ELMO1: variants seen among roughly 807,000 people sequenced by gnomAD.
ELMO1 encodes the protein engulfment and cell motility 1.
In ELMO1, 26 loss-of-function variants were observed where a neutral mutation model predicts 98.9. The observed-to-expected ratio is 0.26, with a 90% CI of 0.19 to 0.36. ELMO1 has a LOEUF of 0.36. Among genes scored for constraint, ELMO1 ranks in the 10% least tolerant of loss-of-function variants. The probability of loss-of-function intolerance (pLI) is 1.00; values close to 1 mark genes in which losing one functional copy is unlikely to be tolerated. For missense variants in ELMO1, 627 were observed against 935.2 expected, an observed-to-expected ratio of 0.67 and a Z score of 4.30; for synonymous variants, 346 against 346.0, an observed-to-expected ratio of 1.00 and a Z score of 0.00.
intron 14 of ELMO1, among the ~76,000 whole-genome samples, chr7:37,101,005 TC>T (rs1381887908): frequency 6.6e-6 from 1 of 152,232 alleles, no homozygotes; most frequent in Non-Finnish European, 1.5e-5. Flanking sequence ...TTCAGAGAGT[TC>T]GTGTTTTTAT....
chr7:37,201,906 G>A (rs542541061), intron 13 of ELMO1, among the ~76,000 whole-genome samples: 1 of 152,202 alleles, frequency 6.6e-6, no homozygotes, highest in Non-Finnish European at 1.5e-5. Context: ...AAGTGTCAAG[G>A]AGGCTGACAG....
intron 1 of ELMO1, among the ~76,000 whole-genome samples, chr7:37,397,561 C>G (rs907956634): frequency 3.9e-5 from 6 of 152,234 alleles, no homozygotes; most frequent in African/African-American, 1.4e-4. Flanking sequence ...CACCTCTGTG[C>G]ACCTCAGTTT....
intron 16 of ELMO1, among the ~76,000 whole-genome samples, chr7:36,931,024 A>T (rs1295026948): frequency 1.3e-5 from 2 of 152,180 alleles, no homozygotes; most frequent in Admixed American, 1.3e-4. Context: ...ATTTTTGTCA[A>T]TTTGATAGTT....
intron 13 of ELMO1, among the ~76,000 whole-genome samples, chr7:37,191,188 C>CA (rs70975003): frequency 0.59 from 55,654 of 93,744 alleles, 15,641 homozygotes; most frequent in Non-Finnish European, 0.67. Flanking sequence ...GACTCTGTCT[C>CA]AAAAAAAAAA....
intron 1 of ELMO1, among the ~76,000 whole-genome samples, chr7:37,447,644 C>CA (rs1206426312): frequency 3.3e-5 from 5 of 151,172 alleles, no homozygotes; most frequent in East Asian, 1.9e-4. Flanking sequence ...CAACACCCCC[C>CA]CCACACACAC....
chr7:37,068,826 A>G (rs1271531271), intron 15 of ELMO1, among the ~76,000 whole-genome samples: 2 of 152,208 alleles, frequency 1.3e-5, no homozygotes, highest in African/African-American at 2.4e-5. Context: ...CAAACATTAC[A>G]TAGTAATGAG....
chr7:37,343,801 G>A (rs538321502), intron 1 of ELMO1, among the ~76,000 whole-genome samples: 1 of 152,078 alleles, frequency 6.6e-6, no homozygotes, highest in South Asian at 2.1e-4. Flanking sequence ...TTAATTTTTT[G>A]TTAACAATCA....
intron 13 of ELMO1, among the ~76,000 whole-genome samples, chr7:37,140,268 C>T (rs1405342042): frequency 2.0e-5 from 3 of 151,578 alleles, no homozygotes; most frequent in Admixed American, 6.6e-5. Context: ...CGCCTATAGT[C>T]CCAACTACTC....
At chr7:37,082,099 G>A (rs544337281) in intron 15 of ELMO1, among the ~76,000 whole-genome samples, 66 of 152,192 alleles carry the variant, frequency 4.3e-4, no homozygotes, top group Non-Finnish European at 7.9e-4. Context: ...TTTGCATTTA[G>A]GTTCATTTCT....
intron 1 of ELMO1, among the ~76,000 whole-genome samples, chr7:37,373,809 C>T (rs1437456449): frequency 1.3e-5 from 2 of 152,212 alleles, no homozygotes; most frequent in African/African-American, 2.4e-5. Flanking sequence ...ATTCTCAGTT[C>T]TCTCCTTTGC....
chr7:36,999,105 C>T (rs1296924921), intron 16 of ELMO1, among the ~76,000 whole-genome samples: 1 of 151,996 alleles, frequency 6.6e-6, no homozygotes, highest in African/African-American at 2.4e-5. Context: ...CCCGGGGCCA[C>T]AGCATTGTCT....
In ELMO1 at chr7:37,268,173, C is replaced by T. The variant is rs748724500; in HGVS notation, c.243+3659G>A. ...CAACAGAGGACCTCAGACTCTATGC[C>T]CACAGCTATTATGATCATGGCAGGT... On this transcript the variant is annotated intron_variant, in intron 5 of 21. Transcript: ENST00000310758. Among the ~76,000 whole-genome samples, 246 of 152,222 alleles carry T rather than the reference C, an allele frequency of 1.6e-3. 2 individuals carry two copies. The highest frequency in any genetic ancestry group is 2.3e-3 in the Admixed American group (35 of 15,280).
intron 16 of ELMO1, among the ~76,000 whole-genome samples, chr7:36,926,783 C>T (rs1031666532): frequency 6.6e-6 from 1 of 152,176 alleles, no homozygotes; most frequent in East Asian, 1.9e-4. Context: ...AGGCCTCTTT[C>T]AATTCCTATA....
At chr7:37,054,386 C>T (rs577293172) in intron 15 of ELMO1, among the ~76,000 whole-genome samples, 1 of 152,216 alleles carries the variant, frequency 6.6e-6, no homozygotes, top group East Asian at 1.9e-4. Context: ...CAAGAAGATG[C>T]ATAAGACATG....
Position 37,309,203 on chromosome 7 carries a change from A to T in ELMO1, c.192+5647T>A, listed in dbSNP as rs187930484. Among the ~76,000 whole-genome samples the T allele has an allele frequency of 7.2e-5, 11 of 152,342 alleles. No individual in the cohort carries two copies. The East Asian group carries it at 1.9e-3, about 27-fold the overall frequency. On this transcript the variant is annotated intron_variant, in intron 4 of 21. Coordinates refer to ENST00000310758, the MANE Select transcript of ELMO1 (RefSeq NM_014800.11). ...AATCATGGTGGAAGGCGAAAGGCACATCTTACATGGCAGCAGACAAGAGAG... is the reference window on the plus strand; with the variant it reads ...AATCATGGTGGAAGGCGAAAGGCACTTCTTACATGGCAGCAGACAAGAGAG...
intron 15 of ELMO1, among the ~76,000 whole-genome samples, chr7:37,063,257 T>C (rs1157592193): frequency 6.6e-6 from 1 of 152,212 alleles, no homozygotes; most frequent in African/African-American, 2.4e-5. Context: ...CAAGTATGAC[T>C]GTATTACCTG....
intron 16 of ELMO1, among the ~76,000 whole-genome samples, chr7:36,937,513 A>G (rs1786651936): frequency 6.6e-6 from 1 of 152,240 alleles, no homozygotes; most frequent in African/African-American, 2.4e-5. Flanking sequence ...CTATGAGACC[A>G]TAATTTCCTG....
intron 16 of ELMO1, among the ~76,000 whole-genome samples, chr7:36,973,777 C>T (rs182161548): frequency 6.6e-6 from 1 of 152,148 alleles, no homozygotes; most frequent in African/African-American, 2.4e-5. Flanking sequence ...GGGCTGCGCG[C>T]GGCGCTTGCG....
intron 4 of ELMO1, among the ~76,000 whole-genome samples, chr7:37,295,321 CCAGA>C (rs1478899594): frequency 6.6e-6 from 1 of 152,160 alleles, no homozygotes; most frequent in Non-Finnish European, 1.5e-5. Context: ...CTATCAACAT[CCAGA>C]CAGTGGGCTG....
Sources: gnomAD v4.1 joint callset for allele counts (sites outside exome capture counted in the v4.1 genomes callset) on GRCh38, gnomAD v4.1.1 for gene constraint, MANE v1.5 for transcripts, NCBI Gene and HGNC (gene_info 2026-07-23, HGNC 2026-07-21) for gene names.